The following ATRNL1 variants were observed in gnomAD, a reference collection of about 807,000 sequenced individuals.
ATRNL1 encodes attractin like 1, also known as attractin-like protein 1.
In ATRNL1, 95 loss-of-function variants were observed where a neutral mutation model predicts 182.7. The observed-to-expected ratio is 0.52, with a 90% CI of 0.44 to 0.62. ATRNL1 has a LOEUF of 0.62. Among genes scored for constraint, ATRNL1 ranks in the 20% least tolerant of loss-of-function variants. The probability of loss-of-function intolerance (pLI) is 0.00; values close to 1 mark genes in which losing one functional copy is unlikely to be tolerated. For missense variants in ATRNL1, 1,471 were observed against 1,679.5 expected, an observed-to-expected ratio of 0.88 and a Z score of 2.17; for synonymous variants, 576 against 568.3, an observed-to-expected ratio of 1.01 and a Z score of -0.19.
At chr10:115,121,263 C>G (rs1483853350) in intron 2 of ATRNL1, among the ~76,000 whole-genome samples, 1 of 152,096 alleles carries the variant, frequency 6.6e-6, no homozygotes, top group African/African-American at 2.4e-5. Flanking sequence ...GAGGTGCATG[C>G]CGCCATGCGC....
intron 28 of ATRNL1, among the ~76,000 whole-genome samples, chr10:115,882,469 A>G (rs573263946): frequency 6.6e-6 from 1 of 152,098 alleles, no homozygotes; most frequent in South Asian, 2.1e-4. Flanking sequence ...CTGTATTTTC[A>G]TACTTCATTC....
chr10:115,394,063 AAC>A (rs1459900166), intron 19 of ATRNL1, among the ~76,000 whole-genome samples: 1 of 152,086 alleles, frequency 6.6e-6, no homozygotes, highest in African/African-American at 2.4e-5. Context: ...TCTTTTTTAA[AAC>A]ACAATCTGCA....
chr10:115,781,568 TAA>T (rs1250412787), intron 27 of ATRNL1, among the ~76,000 whole-genome samples: 2 of 152,106 alleles, frequency 1.3e-5, no homozygotes, highest in Non-Finnish European at 2.9e-5. Context: ...AGCCAGACAC[TAA>T]AAGAGTATCC....
At position 115,555,973 on chromosome 10, in the gene ATRNL1, C is replaced by T. The variant is rs80083273; in HGVS notation, c.3795+6437C>T. 8.3e-3 allele frequency among the ~76,000 whole-genome samples: 1,262 copies of T among 152,014 alleles called. 15 individuals are homozygous for T. Among genetic ancestry groups the T allele is most frequent in the African/African-American group, 0.029 (1,197 of 41,524 alleles). ...AATTTGTGGAGACTAGAGTGCAATG[C>T]TCAAAGCTTACAACTAGTAAAAGAA... On this transcript the variant is annotated intron_variant, in intron 26 of 28. Transcript: ENST00000355044.
intron 10 of ATRNL1, among the ~76,000 whole-genome samples, chr10:115,246,342 G>GA (rs1412840905): frequency 7.9e-5 from 12 of 151,494 alleles, no homozygotes; most frequent in East Asian, 3.9e-4. Flanking sequence ...GGTTTAACAG[G>GA]AAAAAAAAGG....
chr10:115,715,605 G>A (rs1337906782), intron 26 of ATRNL1, among the ~76,000 whole-genome samples: 2 of 152,172 alleles, frequency 1.3e-5, no homozygotes, highest in African/African-American at 4.8e-5. Context: ...AAGAAAACAT[G>A]CAGAGAGACA....
intron 28 of ATRNL1, among the ~76,000 whole-genome samples, chr10:115,848,998 G>C (rs1950992786): frequency 6.6e-6 from 1 of 152,050 alleles, no homozygotes; most frequent in African/African-American, 2.4e-5. Flanking sequence ...TCACTTTCTT[G>C]ACTTGTGTCC....
chr10:115,790,645 A>G (rs1487598630), intron 27 of ATRNL1, among the ~76,000 whole-genome samples: 14 of 152,112 alleles, frequency 9.2e-5, no homozygotes, highest in Non-Finnish European at 1.5e-4. Context: ...TAAAAAAAAA[A>G]AAAAACTTTT....
intron 27 of ATRNL1, among the ~76,000 whole-genome samples, chr10:115,803,589 G>GT (rs1300141911): frequency 5.0e-4 from 70 of 141,024 alleles, no homozygotes; most frequent in South Asian, 1.5e-3. Flanking sequence ...AGAAGTTTGG[G>GT]TTTTTTTGTG....
intron 5 of ATRNL1, among the ~76,000 whole-genome samples, chr10:115,138,724 A>G (rs1169593480): frequency 6.6e-6 from 1 of 152,158 alleles, no homozygotes; most frequent in African/African-American, 2.4e-5. Flanking sequence ...ATGGGAGGCG[A>G]TGCTGTGAAG....
At chr10:115,141,345 T>C (rs1554877990) in intron 5 of ATRNL1, among the ~76,000 whole-genome samples, 1 of 152,158 alleles carries the variant, frequency 6.6e-6, no homozygotes, top group Admixed American at 6.5e-5. Context: ...GATAAGCAAT[T>C]GAATTTGAAC....
At chr10:115,351,045 A>G (rs1856225583) in intron 19 of ATRNL1, among the ~76,000 whole-genome samples, 1 of 151,750 alleles carries the variant, frequency 6.6e-6, no homozygotes, top group Admixed American at 6.6e-5. Context: ...GATTTTTCAG[A>G]TTGTTCTCTG....
At chr10:115,435,590 A>C (rs1265667902) in intron 21 of ATRNL1, among the ~76,000 whole-genome samples, 4 of 152,136 alleles carry the variant, frequency 2.6e-5, no homozygotes, top group Non-Finnish European at 4.4e-5. Context: ...AAGTCATTTT[A>C]TTTGTATGTC....
chr10:115,441,318 C>T (rs1222775619), intron 21 of ATRNL1, among the ~76,000 whole-genome samples: 2 of 151,822 alleles, frequency 1.3e-5, no homozygotes, highest in African/African-American at 4.8e-5. Context: ...TCTTTCAGAT[C>T]AACCCTTCTC....
intron 27 of ATRNL1, among the ~76,000 whole-genome samples, chr10:115,794,356 C>T (rs1307458589): frequency 2.0e-5 from 3 of 152,070 alleles, no homozygotes; most frequent in African/African-American, 7.2e-5. Context: ...CACAATGTAG[C>T]CATCAAAATG....
At chr10:115,877,261 T>C (rs1395346089) in intron 28 of ATRNL1, among the ~76,000 whole-genome samples, 3 of 152,164 alleles carry the variant, frequency 2.0e-5, no homozygotes, top group African/African-American at 7.2e-5. Context: ...AGATATCACT[T>C]CTCTTTAGAA....
rs929241910 is a variant in ATRNL1 at position 115,652,807 on chromosome 10, A to G, written c.3796-74441A>G. 2.6e-5 allele frequency among the ~76,000 whole-genome samples: 4 copies of G among 151,974 alleles called. No individual in the cohort carries two copies. In the East Asian group the frequency reaches 7.7e-4, roughly 29 times the overall value. On this transcript the variant is annotated intron_variant, in intron 26 of 28. Coordinates refer to ENST00000355044, the MANE Select transcript of ATRNL1 (RefSeq NM_207303.4). ...TTTAAATTTTACTTGGATAAAAAGA[A>G]TTTTTCTGAGGTTATCTTATGTTTT...
chr10:115,818,233 T>A (rs1359777603), intron 27 of ATRNL1, among the ~76,000 whole-genome samples: 2 of 151,128 alleles, frequency 1.3e-5, no homozygotes, highest in African/African-American at 4.9e-5. Context: ...CTCACTAGTT[T>A]CAGTTTCTGT....
rs188567488 is a variant in ATRNL1 at position 115,134,812 on chromosome 10, C to T, written c.829+5277C>T. On this transcript the variant is annotated intron_variant, in intron 5 of 28. Transcript: ENST00000355044. ...TAAAATCCTGGCAAACCGAATCCAGCAACACATCAAAAAGCTTATCCACCA... is the reference window on the plus strand; with the variant it reads ...TAAAATCCTGGCAAACCGAATCCAGTAACACATCAAAAAGCTTATCCACCA... 6.7e-3 allele frequency among the ~76,000 whole-genome samples: 1,014 copies of T among 152,256 alleles called. 8 individuals are homozygous for T. The highest frequency in any genetic ancestry group is 8.2e-3 in the Non-Finnish European group (557 of 68,030).
Sources: gnomAD v4.1 joint callset for allele counts (sites outside exome capture counted in the v4.1 genomes callset) on GRCh38, gnomAD v4.1.1 for gene constraint, MANE v1.5 for transcripts, NCBI Gene and HGNC (gene_info 2026-07-23, HGNC 2026-07-21) for gene names.